SMOC2: variants seen among roughly 807,000 people sequenced by gnomAD.
SMOC2 encodes the protein SPARC related modular calcium binding 2, also known as SPARC-related modular calcium-binding protein 2.
Under a neutral mutation model 61.4 loss-of-function variants are expected in SMOC2, and 39 were observed. The observed-to-expected ratio is 0.64, with a 90% confidence interval of 0.49 to 0.83. The LOEUF (loss-of-function observed/expected upper bound fraction) is 0.83. Ranked by LOEUF, SMOC2 falls within the 40% of genes least tolerant of loss-of-function variation. SMOC2 has a pLI of 0.00. For missense variants in SMOC2, 556 were observed against 592.9 expected (o/e 0.94, Z 0.65); for synonymous variants, 247 against 239.9 (o/e 1.03, Z -0.27).
At chr6:168,598,152 C>T (rs1052498150) in intron 7 of SMOC2, among the ~76,000 whole-genome samples, 1 of 151,988 alleles carries the variant, frequency 6.6e-6, no homozygotes, top group Non-Finnish European at 1.5e-5. Flanking sequence ...GGAAAGAGTG[C>T]AGTGGAAATT....
chr6:168,494,538 C>T (rs1173581990), intron 1 of SMOC2, among the ~76,000 whole-genome samples: 2 of 152,236 alleles, frequency 1.3e-5, no homozygotes, highest in African/African-American at 4.8e-5. Context: ...CAAACATTTT[C>T]TTCTATGCAT....
At chr6:168,456,061 A>C (rs1268135753) in intron 1 of SMOC2, among the ~76,000 whole-genome samples, 1 of 152,220 alleles carries the variant, frequency 6.6e-6, no homozygotes, top group African/African-American at 2.4e-5. Context: ...CCCAGAGCCC[A>C]GGGAGGGCGG....
intron 7 of SMOC2, among the ~76,000 whole-genome samples, chr6:168,580,798 C>T (rs75778328): frequency 0.082 from 12,445 of 152,232 alleles, 665 homozygotes; most frequent in Non-Finnish European, 0.12. Context: ...CTACCTCAGC[C>T]TCCCAAAGTG....
chr6:168,574,399 C>T (rs995923736), intron 7 of SMOC2, among the ~76,000 whole-genome samples: 9 of 152,200 alleles, frequency 5.9e-5, no homozygotes, highest in East Asian at 5.8e-4. Flanking sequence ...GAGAACACGG[C>T]GCAGATCCTG....
At chr6:168,579,624 G>C (rs1191790902) in intron 7 of SMOC2, among the ~76,000 whole-genome samples, 3 of 152,190 alleles carry the variant, frequency 2.0e-5, no homozygotes, top group Non-Finnish European at 4.4e-5. Context: ...GAGCTGGTGA[G>C]GGTGTTATCA....
chr6:168,647,156 G>A (rs1181182556), intron 9 of SMOC2, among the ~76,000 whole-genome samples: 1 of 152,192 alleles, frequency 6.6e-6, no homozygotes, highest in African/African-American at 2.4e-5. Context: ...TGGGTGGTTG[G>A]AGAACTTACT....
chr6:168,518,751 G>GTGTGTGAATGTGCA lies in SMOC2; in HGVS notation c.257-7589_257-7588insAATGTGCATGTGTG, dbSNP rs1354625916. 1.8e-4 allele frequency among the ~76,000 whole-genome samples: 27 copies of GTGTGTGAATGTGCA among 149,402 alleles called. No individual in the cohort carries two copies. In the East Asian group the frequency reaches 5.1e-3, roughly 28 times the overall value. ...AGTGTGCATGTGTGTGAATGTGCATGTGTGTGTGTTCATGTGCGTGTGTGC... is the reference window on the plus strand; with the variant it reads ...AGTGTGCATGTGTGTGAATGTGCATGTGTGTGAATGTGCATGTGTGTGTTCATGTGCGTGTGTGC... On this transcript the variant is annotated intron_variant, in intron 2 of 12. Transcript: ENST00000356284.
At chr6:168,649,296 G>A (rs1335097796) in intron 9 of SMOC2, among the ~76,000 whole-genome samples, 7 of 152,222 alleles carry the variant, frequency 4.6e-5, no homozygotes, top group Admixed American at 3.9e-4. Context: ...GGTGTGTGGT[G>A]TAAACTCCCT....
intron 7 of SMOC2, among the ~76,000 whole-genome samples, chr6:168,575,762 G>A (rs1425476119): frequency 6.6e-6 from 1 of 152,192 alleles, no homozygotes; most frequent in Admixed American, 6.5e-5. Flanking sequence ...TCTTATTCAG[G>A]GACATGACAG....
intron 1 of SMOC2, among the ~76,000 whole-genome samples, chr6:168,464,127 G>A (rs1399855074): frequency 1.4e-5 from 2 of 147,034 alleles, no homozygotes; most frequent in African/African-American, 5.0e-5. Context: ...GGAGGTGGAG[G>A]CTGCAGTGTG....
At chr6:168,633,711 G>A (rs1786632340) in intron 9 of SMOC2, among the ~76,000 whole-genome samples, 1 of 152,190 alleles carries the variant, frequency 6.6e-6, no homozygotes, top group Non-Finnish European at 1.5e-5. Flanking sequence ...GAAAGCAGGA[G>A]GGTGTTCTTG....
chr6:168,640,309 T>C (rs1786862559), intron 9 of SMOC2, among the ~76,000 whole-genome samples: 1 of 152,142 alleles, frequency 6.6e-6, no homozygotes, highest in South Asian at 2.1e-4. Context: ...GTGGTGACTG[T>C]CAGCCTGACT....
At chr6:168,565,221 T>C (rs1262018480) in intron 7 of SMOC2, among the ~76,000 whole-genome samples, 1 of 152,232 alleles carries the variant, frequency 6.6e-6, no homozygotes, top group African/African-American at 2.4e-5. Flanking sequence ...ATACGGTGTA[T>C]TAATCAGCTA....
intron 4 of SMOC2, among the ~76,000 whole-genome samples, chr6:168,534,007 A>G (rs1254061833): frequency 2.0e-5 from 3 of 152,190 alleles, no homozygotes; most frequent in African/African-American, 7.2e-5. Flanking sequence ...GCACTGTGGG[A>G]GGCTAAGGCA....
At chr6:168,661,473 G>T (rs1365447462) in intron 11 of SMOC2, among the ~76,000 whole-genome samples, 2 of 152,024 alleles carry the variant, frequency 1.3e-5, no homozygotes, top group Non-Finnish European at 2.9e-5. Context: ...GTGGTGGTGT[G>T]AGCCTGTAAT....
At chr6:168,462,264 C>T (rs1263771889) in intron 1 of SMOC2, among the ~76,000 whole-genome samples, 5 of 152,114 alleles carry the variant, frequency 3.3e-5, no homozygotes, top group African/African-American at 9.7e-5. Flanking sequence ...AGACTATGTC[C>T]GTATTCTGAA....
rs1256088769 is a variant in SMOC2 at position 168,544,516 on chromosome 6, G to T, written c.511+844G>T. Among the ~76,000 whole-genome samples the T allele has an allele frequency of 2.6e-5, 4 of 151,906 alleles. No individual in the cohort carries two copies. The highest frequency in any genetic ancestry group is 5.9e-5 in the Non-Finnish European group (4 of 67,982). ...GGTGAAACGCCATCTCTACTAAAAA[G>T]ACAAAAATTAACCAGGCATGGTGGT... On this transcript the variant is annotated intron_variant, in intron 5 of 12. Coordinates refer to ENST00000356284, the MANE Select transcript of SMOC2 (RefSeq NM_001166412.2). This position sits in a 1 kb window ranked among gnomAD's most constrained non-coding sequence, Gnocchi z 4.1.
intron 1 of SMOC2, 57 bp from the exon 2 acceptor site, chr6:168,509,858 T>C: frequency 1.3e-6 from 2 of 1,534,808 alleles, no homozygotes; most frequent in Non-Finnish European, 1.8e-6. Context: ...TTCTGTTTTC[T>C]GCTGCTCTGA....
At chr6:168,647,498 G>A (rs769842933) in intron 9 of SMOC2, among the ~76,000 whole-genome samples, 1 of 152,196 alleles carries the variant, frequency 6.6e-6, no homozygotes, top group Non-Finnish European at 1.5e-5. Context: ...TGCGAGGGAC[G>A]AGGGTCTCTG....
Sources: allele counts gnomAD v4.1 joint callset (sites outside exome capture counted in the v4.1 genomes callset), GRCh38; gene constraint gnomAD v4.1.1; non-coding constraint Gnocchi (gnomAD v3.1); transcripts MANE v1.5; gene names NCBI Gene and HGNC (gene_info 2026-07-23, HGNC 2026-07-21).